KLHL18: variants seen among roughly 807,000 people sequenced by gnomAD.
KLHL18 encodes the protein kelch-like protein 18.
KLHL18 carries 38 observed loss-of-function variants against 58.5 expected under a neutral mutation model. The ratio of observed to expected loss-of-function variants is 0.65; its 90% CI spans 0.50 to 0.85. KLHL18 has a LOEUF of 0.85. Among genes scored for constraint, KLHL18 ranks in the 40% least tolerant of loss-of-function variants. The probability of loss-of-function intolerance (pLI) is 0.00; values close to 1 mark genes in which losing one functional copy is unlikely to be tolerated. For missense variants in KLHL18, 624 were observed against 778.4 expected (o/e 0.80, Z 2.36); for synonymous variants, 303 against 301.9 (o/e 1.00, Z -0.04).
intron 4 of KLHL18, 96 bp downstream of exon 4, chr3:47,330,245 A>T (rs1703825078): frequency 9.4e-7 from 1 of 1,069,096 alleles, no homozygotes; most frequent in East Asian, 2.6e-5. Context: ...AGTTAAGATC[A>T]TGACATGTAT....
intron 1 of KLHL18, among the ~76,000 whole-genome samples, chr3:47,289,646 C>T (rs11710322): frequency 0.36 from 55,145 of 151,916 alleles, 10,557 homozygotes; most frequent in Middle Eastern, 0.5. Flanking sequence ...AGGCTGGGTA[C>T]GGTGGCTCAC....
chr3:47,343,420 C>T (rs1704153267), intron 9 of KLHL18, 135 bp from the exon 10 acceptor site: 4 of 1,014,054 alleles, frequency 3.9e-6, no homozygotes, highest in Non-Finnish European at 5.8e-6. Context: ...AGAGGGAATA[C>T]TGGGAGAGCT....
At chr3:47,301,935 A>G (rs1703034454) in intron 1 of KLHL18, among the ~76,000 whole-genome samples, 1 of 152,062 alleles carries the variant, frequency 6.6e-6, no homozygotes, top group South Asian at 2.1e-4. Context: ...AGTTGGGACC[A>G]CAGGTGCACA....
intron 4 of KLHL18, among the ~76,000 whole-genome samples, chr3:47,332,282 G>A (rs971565985): frequency 1.8e-4 from 27 of 152,044 alleles, no homozygotes; most frequent in Non-Finnish European, 3.4e-4. Flanking sequence ...CTTGAGCTGG[G>A]AGGCAGAGGT....
At chr3:47,340,510 G>T in intron 7 of KLHL18, 62 bp from the exon 8 acceptor site, 7 of 1,610,630 alleles carry the variant, frequency 4.3e-6, no homozygotes, top group Non-Finnish European at 5.9e-6. Context: ...TTCTCAGTGG[G>T]CAAGAGAGGC....
intron 7 of KLHL18, chr3:47,338,716 G>A (rs993497856): frequency 2.6e-5 from 4 of 152,188 alleles, no homozygotes; most frequent in African/African-American, 7.2e-5. Flanking sequence ...CAGCTACTTG[G>A]GAGGCTAAGG....
intron 1 of KLHL18, among the ~76,000 whole-genome samples, chr3:47,285,095 G>C (rs1702646792): frequency 6.6e-6 from 1 of 152,118 alleles, no homozygotes; most frequent in Admixed American, 6.6e-5. Flanking sequence ...TTACAGGCGT[G>C]AGCCACCAAG....
In KLHL18 at chr3:47,346,694, G is replaced by A. The variant is rs183299522; in HGVS notation, c.*2753G>A. ...TGAAGACCATCCTCTTGACCACAGA[G>A]GTGTGACTGTGGGAATTCCTCCCAA... On this transcript the variant is annotated 3_prime_UTR_variant, in exon 10 of 10. Transcript: ENST00000232766. The A allele has an allele frequency of 1.3e-5, 2 of 152,724 alleles. No homozygotes were observed. Among genetic ancestry groups the A allele is most frequent in the Admixed American group, 6.5e-5 (1 of 15,300 alleles). The allele number at this position is 152,724 out of a possible 1,614,324, so 9.5% of individuals were successfully genotyped here. A position where few individuals can be genotyped will look rare whatever the true frequency, so the allele number is the denominator to read the frequency against.
At chr3:47,291,914 C>T (rs140104470) in intron 1 of KLHL18, among the ~76,000 whole-genome samples, 117 of 152,332 alleles carry the variant, frequency 7.7e-4, no homozygotes, top group African/African-American at 2.6e-3. Context: ...CCTTCACGCT[C>T]TGCTGGAACT....
intron 4 of KLHL18, among the ~76,000 whole-genome samples, chr3:47,330,618 A>G (rs1197960076): frequency 6.6e-6 from 1 of 151,804 alleles, no homozygotes; most frequent in Non-Finnish European, 1.5e-5. Context: ...TCTAAATAGC[A>G]TTCTGTTGAT....
Position 47,344,543 on chromosome 3 carries a change from A to G in KLHL18, c.*602A>G, listed in dbSNP as rs74340572. 2.1e-5 allele frequency: 2 copies of G among 96,594 alleles called. No homozygotes were observed. Among genetic ancestry groups the G allele is most frequent in the African/African-American group, 8.5e-5 (2 of 23,416 alleles). 6.0% of individuals were successfully genotyped at this position (96,594 alleles called of 1,614,324 possible). ...GAGAAGAGAAGTTTTCCCCATGTCT[A>G]ATTTTGGGATTTCAGTGAGGCCTTT... On this transcript the variant is annotated 3_prime_UTR_variant, in exon 10 of 10. Transcript: ENST00000232766.
At chr3:47,332,113 G>T (rs1703877787) in intron 4 of KLHL18, among the ~76,000 whole-genome samples, 1 of 152,198 alleles carries the variant, frequency 6.6e-6, no homozygotes, top group African/African-American at 2.4e-5. Context: ...ACTTTGGGAG[G>T]CCAAGGTGGG....
At chr3:47,332,272 C>T (rs1703881185) in intron 4 of KLHL18, among the ~76,000 whole-genome samples, 2 of 151,812 alleles carry the variant, frequency 1.3e-5, no homozygotes, top group African/African-American at 4.8e-5. Context: ...GGGAGGATTG[C>T]TTGAGCTGGG....
In KLHL18 at chr3:47,336,735, G is replaced by A. The variant is rs995839797; in HGVS notation, c.1099G>A (p.Gly367Arg). The A allele has an allele frequency of 2.5e-6, 4 of 1,614,148 alleles. No individual in the cohort carries two copies. Among genetic ancestry groups the A allele is most frequent in the Non-Finnish European group, 3.4e-6 (4 of 1,179,972 alleles). ...GGAGACAGACACATGGACCAGAGTG[G>A]GGAGCATGAATAGCAAGAGAAGGTA... ...NPETDTWTRV[G>R]SMNSKRSAMG... is the part of the protein sequence containing the mutation. Residue 367 changes from glycine (G) to arginine (R), a missense_variant, in exon 7 of 10, where the codon GGG (glycine) becomes AGG (arginine). By Grantham distance (125) the Gly-to-Arg change is moderately radical (BLOSUM62 -2). Transcript: ENST00000232766.
intron 1 of KLHL18, among the ~76,000 whole-genome samples, chr3:47,315,702 C>T (rs1703404566): frequency 6.6e-6 from 1 of 152,050 alleles, no homozygotes; most frequent in African/African-American, 2.4e-5. Flanking sequence ...CCAAGTGTCA[C>T]CAGACATTTA....
chr3:47,322,466 A>G, intron 2 of KLHL18, 102 bp from the exon 3 acceptor site: 9 of 1,155,538 alleles, frequency 7.8e-6, no homozygotes, highest in Non-Finnish European at 1.0e-5. Flanking sequence ...TAGATTCTCA[A>G]AGGGCCTGGG....
Position 47,283,017 on chromosome 3 carries a change from T to A in KLHL18, c.52T>A (p.Ser18Thr), listed in dbSNP as rs1398783293. The change falls in exon 1 of 10, where the codon TCT (serine) becomes ACT (threonine). Residue 18 changes from serine to threonine, a missense_variant. Coordinates refer to ENST00000232766, the MANE Select transcript of KLHL18 (RefSeq NM_025010.5). ...GGAGGATCTGGTGCACTTCTCCGTG[T>A]CTGAGTTGCCTAGTCGCGGCTACGG... Reference protein sequence around the residue: ...ELEDLVHFSVSELPSRGYGVM... With the variant: ...ELEDLVHFSVTELPSRGYGVM... 1.9e-6 allele frequency: 3 copies of A among 1,609,950 alleles called. No individual in the cohort carries two copies. Among genetic ancestry groups the A allele is most frequent in the East Asian group, 4.5e-5 (2 of 44,704 alleles).
At chr3:47,284,495 CT>C (rs1702619238) in intron 1 of KLHL18, among the ~76,000 whole-genome samples, 1 of 151,986 alleles carries the variant, frequency 6.6e-6, no homozygotes, top group Non-Finnish European at 1.5e-5. Context: ...ACCACTACCC[CT>C]GGCTAATTTT....
chr3:47,336,250 C>G (rs1262851922), intron 6 of KLHL18, among the ~76,000 whole-genome samples: 2 of 152,182 alleles, frequency 1.3e-5, no homozygotes, highest in Admixed American at 6.5e-5. Flanking sequence ...AATATTGTAT[C>G]GATTCACCTA....
Sources: gnomAD v4.1 joint callset for allele counts (sites outside exome capture counted in the v4.1 genomes callset) on GRCh38, gnomAD v4.1.1 for gene constraint, MANE v1.5 for transcripts, NCBI Gene and HGNC (gene_info 2026-07-23, HGNC 2026-07-21) for gene names.